Variants in SRPK2 observed in about 807,000 individuals in gnomAD.
SRPK2 encodes SRSF protein kinase 2.
In SRPK2, 21 loss-of-function variants were observed where a neutral mutation model predicts 90.8. The ratio of observed to expected loss-of-function variants is 0.23; its 90% confidence interval spans 0.16 to 0.33. The LOEUF (loss-of-function observed/expected upper bound fraction) is 0.33, where lower values mean the gene tolerates loss of function less well. Among genes scored for constraint, SRPK2 ranks in the 10% least tolerant of loss-of-function variants. The pLI, the probability that SRPK2 is intolerant of heterozygous loss-of-function variation, is 1.00. For missense variants in SRPK2, 620 were observed against 869.0 expected, an observed-to-expected ratio of 0.71 and a Z score of 3.60; for synonymous variants, 288 against 311.1, an observed-to-expected ratio of 0.93 and a Z score of 0.78.
At chr7:105,252,481 T>G (rs1157926865) in intron 2 of SRPK2, among the ~76,000 whole-genome samples, 3 of 152,190 alleles carry the variant, frequency 2.0e-5, no homozygotes, top group Non-Finnish European at 2.9e-5. Flanking sequence ...GTTGAGTGGT[T>G]TTTGAATTTT....
intron 3 of SRPK2, among the ~76,000 whole-genome samples, chr7:105,185,360 A>T (rs1793444711): frequency 6.6e-6 from 1 of 152,082 alleles, no homozygotes; most frequent in African/African-American, 2.4e-5. Flanking sequence ...GCTGTTTAAA[A>T]CTAAAAGCCC....
chr7:105,155,862 T>C (rs774079744), intron 7 of SRPK2, among the ~76,000 whole-genome samples: 1 of 152,184 alleles, frequency 6.6e-6, no homozygotes, highest in Non-Finnish European at 1.5e-5. Flanking sequence ...TGATTACCAG[T>C]GAGTACTTTC....
intron 2 of SRPK2, among the ~76,000 whole-genome samples, chr7:105,336,583 G>A (rs186024197): frequency 3.9e-5 from 6 of 152,092 alleles, no homozygotes; most frequent in South Asian, 2.1e-4. Context: ...GTTGTTATAC[G>A]TCTTAAGTAA....
intron 13 of SRPK2, among the ~76,000 whole-genome samples, chr7:105,129,044 A>G (rs1210453230): frequency 2.0e-5 from 3 of 151,838 alleles, no homozygotes; most frequent in African/African-American, 7.3e-5. Context: ...AATCAATCTC[A>G]GCTCACTGCA....
intron 2 of SRPK2, among the ~76,000 whole-genome samples, chr7:105,260,909 G>A (rs1327849879): frequency 4.6e-5 from 7 of 150,924 alleles, no homozygotes. Flanking sequence ...GGGAGGGACA[G>A]CATTAGCAGA....
intron 2 of SRPK2, among the ~76,000 whole-genome samples, chr7:105,329,665 TG>T (rs1409264791): frequency 2.0e-5 from 3 of 148,834 alleles, no homozygotes; most frequent in African/African-American, 7.5e-5. Context: ...GTACAGAAAA[TG>T]AAGTGACACC....
chr7:105,127,178 C>T (rs767347268), intron 13 of SRPK2, 116 bp from the exon 14 acceptor site: 4 of 915,652 alleles, frequency 4.4e-6, no homozygotes, highest in Admixed American at 2.5e-5. Flanking sequence ...AACAAAATAG[C>T]CTCCTGAAAG....
chr7:105,228,283 G>C (rs975304119), intron 2 of SRPK2, among the ~76,000 whole-genome samples: 1 of 152,220 alleles, frequency 6.6e-6, no homozygotes, highest in African/African-American at 2.4e-5. Context: ...GAATAGTACA[G>C]TGGCTGAATT....
At position 105,194,650 on chromosome 7, in the gene SRPK2, A is replaced by T. The variant is rs571748349; in HGVS notation, c.229+8978T>A. Among the ~76,000 whole-genome samples the T allele has an allele frequency of 2.0e-5, 3 of 152,362 alleles. No homozygotes were observed. The South Asian group carries it at 6.2e-4, about 32-fold the overall frequency. On this transcript the variant is annotated intron_variant, in intron 3 of 15. Coordinates refer to ENST00000393651, the MANE Select transcript of SRPK2 (RefSeq NM_182692.3). ...CCATGTTAATGGGTTGGAAGATTCA[A>T]TATTATTAAGGCGTATCTAAAATTT...
intron 2 of SRPK2, among the ~76,000 whole-genome samples, chr7:105,344,293 A>AT (rs11356483): frequency 6.7e-6 from 1 of 150,298 alleles, no homozygotes; most frequent in African/African-American, 2.5e-5. Context: ...TGGACATAGA[A>AT]TTTTTTTTTT....
At chr7:105,387,857 G>A (rs780077367) in intron 2 of SRPK2, among the ~76,000 whole-genome samples, 61 of 152,218 alleles carry the variant, frequency 4.0e-4, no homozygotes, top group Non-Finnish European at 7.8e-4. Context: ...CCAGGAAAGG[G>A]TTCTTGGGCA....
intron 6 of SRPK2, among the ~76,000 whole-genome samples, chr7:105,161,172 G>A (rs772331825): frequency 2.6e-5 from 4 of 152,040 alleles, no homozygotes; most frequent in Admixed American, 1.3e-4. Flanking sequence ...TGATCCACCC[G>A]CCTTGGGCTC....
intron 2 of SRPK2, among the ~76,000 whole-genome samples, chr7:105,382,059 T>C (rs1302048265): frequency 6.6e-6 from 1 of 151,910 alleles, no homozygotes; most frequent in Non-Finnish European, 1.5e-5. Context: ...TCCCAGCTAC[T>C]TGGGAGGCTG....
At chr7:105,356,430 T>C (rs1817790135) in intron 2 of SRPK2, among the ~76,000 whole-genome samples, 1 of 152,162 alleles carries the variant, frequency 6.6e-6, no homozygotes, top group Admixed American at 6.6e-5. Context: ...TCTGGGCAGC[T>C]GAAAAAATTT....
In SRPK2 at chr7:105,117,577, C is replaced by A. The variant is rs534614006; in HGVS notation, c.*261G>T. 15 of 461,612 alleles carry A rather than the reference C, an allele frequency of 3.2e-5. No homozygotes were observed. Among genetic ancestry groups the A allele is most frequent in the African/African-American group, 2.8e-4 (14 of 49,502 alleles). 28.6% of individuals were successfully genotyped at this position (461,612 alleles called of 1,614,324 possible). A position where few individuals can be genotyped will look rare whatever the true frequency, so the allele number is the denominator to read the frequency against. ...AATGACATTTGAATGTCACACAACA[C>A]AAGAAACAATGCTTAGAGACATGTT... On this transcript the variant is annotated 3_prime_UTR_variant, in exon 16 of 16. Transcript: ENST00000393651.
chr7:105,141,314 G>T (rs1359931465), intron 11 of SRPK2, among the ~76,000 whole-genome samples: 2 of 152,188 alleles, frequency 1.3e-5, no homozygotes, highest in Non-Finnish European at 2.9e-5. Flanking sequence ...AGAGGGAGCA[G>T]AGGGAGGTTT....
chr7:105,125,713 C>T (rs1801096021), intron 15 of SRPK2: 1 of 645,658 alleles, frequency 1.5e-6, no homozygotes, highest in African/African-American at 1.9e-5. Flanking sequence ...ACTGCCCAAT[C>T]ACGAATGCAC....
At chr7:105,144,433 A>G (rs894049165) in intron 9 of SRPK2, among the ~76,000 whole-genome samples, 1 of 151,146 alleles carries the variant, frequency 6.6e-6, no homozygotes, top group Non-Finnish European at 1.5e-5. Context: ...TAGAGACAGG[A>G]TTTCACCATG....
chr7:105,174,476 C>A (rs1791581536), intron 3 of SRPK2, among the ~76,000 whole-genome samples: 1 of 151,644 alleles, frequency 6.6e-6, no homozygotes, highest in African/African-American at 2.4e-5. Flanking sequence ...CTTTCTCAGC[C>A]CTCTGATTGT....
Sources: allele counts gnomAD v4.1 joint callset (sites outside exome capture counted in the v4.1 genomes callset), GRCh38; gene constraint gnomAD v4.1.1; transcripts MANE v1.5; gene names NCBI Gene and HGNC (gene_info 2026-07-23, HGNC 2026-07-21).